Variants in RYR2 observed in about 807,000 individuals in gnomAD.
RYR2 encodes the protein ryanodine receptor 2.
Under a neutral mutation model 601.1 loss-of-function variants are expected in RYR2, and 227 were observed. The observed-to-expected ratio is 0.38, with a 90% CI of 0.34 to 0.42. RYR2 has a LOEUF of 0.42. RYR2 is among the 10% of genes least tolerant of loss of function. The pLI is 1.00. For synonymous variants in RYR2, 2,223 were observed against 2,175.1 expected (o/e 1.02, Z -0.61); for missense variants, 4,646 against 6,156.5 (o/e 0.75, Z 8.21).
intron 1 of RYR2, among the ~76,000 whole-genome samples, chr1:237,268,492 A>G (rs934789507): frequency 3.9e-5 from 6 of 152,178 alleles, no homozygotes; most frequent in African/African-American, 1.4e-4. Flanking sequence ...TTTTTAGCAG[A>G]TTATTTTTTA....
At chr1:237,224,727 A>C (rs755706508) in intron 1 of RYR2, among the ~76,000 whole-genome samples, 1 of 152,134 alleles carries the variant, frequency 6.6e-6, no homozygotes, top group Non-Finnish European at 1.5e-5. Flanking sequence ...AGGTGTGGTG[A>C]TACACACCTA....
intron 10 of RYR2, among the ~76,000 whole-genome samples, chr1:237,406,229 C>CCTCCT (rs1703888332): frequency 8.1e-6 from 1 of 124,058 alleles, no homozygotes; most frequent in African/African-American, 3.1e-5. Flanking sequence ...CCTCCCCTCC[C>CCTCCT]CTCTCCCATC....
At chr1:237,201,687 C>G (rs543177702) in intron 1 of RYR2, among the ~76,000 whole-genome samples, 2 of 152,242 alleles carry the variant, frequency 1.3e-5, no homozygotes, top group Non-Finnish European at 2.9e-5. Flanking sequence ...ACACCACTTT[C>G]TGGGTGGAAT....
chr1:237,184,191 A>G lies in RYR2; in HGVS notation c.49-86306A>G, dbSNP rs113126505. 7.8e-3 allele frequency among the ~76,000 whole-genome samples: 1,192 copies of G among 152,178 alleles called. 23 individuals carry two copies. The highest frequency in any genetic ancestry group is 0.028 in the African/African-American group (1,148 of 41,474). Reference sequence around the variant, plus strand: ...GCAGCGGGGAGTTGGGGAAAAGCCTACATTCCAAGCAAGACTGAGTGTGGC... The same window carrying G: ...GCAGCGGGGAGTTGGGGAAAAGCCTGCATTCCAAGCAAGACTGAGTGTGGC... On this transcript the variant is annotated intron_variant, in intron 1 of 104. Coordinates refer to ENST00000366574, the MANE Select transcript of RYR2 (RefSeq NM_001035.3).
chr1:237,055,735 A>G (rs1007053829), intron 1 of RYR2, among the ~76,000 whole-genome samples: 1 of 152,224 alleles, frequency 6.6e-6, no homozygotes, highest in Non-Finnish European at 1.5e-5. Context: ...GTATGTTGAC[A>G]TCCTAATCCC....
chr1:237,333,268 AACCAATGTCAAATAGCTCAACGGGGT>A (rs1189186579), intron 3 of RYR2, among the ~76,000 whole-genome samples: 3 of 152,268 alleles, frequency 2.0e-5, no homozygotes, highest in Non-Finnish European at 4.4e-5. Flanking sequence ...TTTAGAAAGA[AACCAATGTCAAATAGCTCAACGGGGT>A]ACCGTATATT....
chr1:237,788,869 C>G (rs971328125), intron 92 of RYR2, among the ~76,000 whole-genome samples: 7 of 151,908 alleles, frequency 4.6e-5, no homozygotes, highest in Non-Finnish European at 1.5e-5. Context: ...TTTGAAAGGC[C>G]TTTATTAACA....
chr1:237,142,142 CCTCAGCTT>C (rs1673456453), intron 1 of RYR2, among the ~76,000 whole-genome samples: 1 of 152,214 alleles, frequency 6.6e-6, no homozygotes, highest in Admixed American at 6.5e-5. Context: ...GGGTGGCTGT[CCTCAGCTT>C]CTTGGGCATG....
At chr1:237,072,862 C>T (rs930557968) in intron 1 of RYR2, among the ~76,000 whole-genome samples, 18 of 149,854 alleles carry the variant, frequency 1.2e-4, no homozygotes, top group Admixed American at 4.0e-4. Context: ...GCAGGAGAAT[C>T]GCTTGAACCT....
chr1:237,499,325 G>A (rs1226727644), intron 20 of RYR2, among the ~76,000 whole-genome samples: 3 of 152,110 alleles, frequency 2.0e-5, no homozygotes, highest in Admixed American at 2.0e-4. Flanking sequence ...AGGTGTTTGA[G>A]AGGACCAAAA....
chr1:237,825,817 A>G (rs905557087), intron 101 of RYR2, among the ~76,000 whole-genome samples: 2 of 152,228 alleles, frequency 1.3e-5, no homozygotes, highest in African/African-American at 2.4e-5. Flanking sequence ...AAACAACTTC[A>G]TAAGAATAAA....
In RYR2 at chr1:237,538,775, A is replaced by C. The variant is rs200823533; in HGVS notation, c.2906+8265A>C. 2.6e-4 allele frequency among the ~76,000 whole-genome samples: 3 copies of C among 11,342 alleles called. No homozygotes were observed. In the South Asian group the frequency reaches 0.12, roughly 473 times the overall value. The allele number at this position is 11,342 out of a possible 152,430, so 7.4% of individuals were successfully genotyped here. A position where few individuals can be genotyped will look rare whatever the true frequency, so the allele number is the denominator to read the frequency against. On this transcript the variant is annotated intron_variant, in intron 25 of 104. Transcript: ENST00000366574. ...GACAGAGTGAGACTCCGTCACAATAAAAAAAATTAAAAAAAAATAAAAATT... is the reference window on the plus strand; with the variant it reads ...GACAGAGTGAGACTCCGTCACAATACAAAAAATTAAAAAAAAATAAAAATT...
intron 24 of RYR2, among the ~76,000 whole-genome samples, chr1:237,514,514 A>G (rs1666225476): frequency 6.6e-6 from 1 of 152,080 alleles, no homozygotes; most frequent in Non-Finnish European, 1.5e-5. Flanking sequence ...ACTGATTTTT[A>G]TTTATTTATT....
intron 70 of RYR2, 108 bp from the exon 71 acceptor site, chr1:237,711,637 T>C (rs1688851015): frequency 4.6e-6 from 3 of 655,244 alleles, no homozygotes; most frequent in Non-Finnish European, 8.2e-6. Context: ...AATTCTTATA[T>C]ATCAAATTAA....
At chr1:237,686,480 T>C (rs967036391) in intron 62 of RYR2, among the ~76,000 whole-genome samples, 4 of 152,152 alleles carry the variant, frequency 2.6e-5, no homozygotes, top group African/African-American at 9.7e-5. Context: ...TTTAGTTTAA[T>C]GAGTTTATTC....
intron 17 of RYR2, among the ~76,000 whole-genome samples, chr1:237,471,402 C>A (rs1255328861): frequency 6.6e-6 from 1 of 152,198 alleles, no homozygotes; most frequent in Non-Finnish European, 1.5e-5. Context: ...TAAATAATTT[C>A]TCCTTAACTC....
chr1:237,641,199 T>G (rs970772255), intron 47 of RYR2, among the ~76,000 whole-genome samples, 197 bp downstream of exon 47: 3 of 152,204 alleles, frequency 2.0e-5, no homozygotes, highest in African/African-American at 7.2e-5. Flanking sequence ...TAATGGGATT[T>G]CAGTGCAAGT....
chr1:237,212,390 T>C (rs1373009814), intron 1 of RYR2, among the ~76,000 whole-genome samples: 1 of 152,228 alleles, frequency 6.6e-6, no homozygotes, highest in Non-Finnish European at 1.5e-5. Context: ...AGTATTTCAC[T>C]ATTGTAAATA....
intron 14 of RYR2, among the ~76,000 whole-genome samples, chr1:237,451,582 A>G (rs1658127747): frequency 8.2e-5 from 4 of 49,058 alleles, no homozygotes; most frequent in Non-Finnish European, 1.4e-4. Flanking sequence ...CTCTGTCTCA[A>G]AAAAAAAAAA....
Sources: allele counts gnomAD v4.1 joint callset (sites outside exome capture counted in the v4.1 genomes callset), GRCh38; gene constraint gnomAD v4.1.1; transcripts MANE v1.5; gene names NCBI Gene and HGNC (gene_info 2026-07-23, HGNC 2026-07-21).